ALAD: variants seen among roughly 807,000 people sequenced by gnomAD.
ALAD encodes the protein aminolevulinate dehydratase.
Under a neutral mutation model 44.4 loss-of-function variants are expected in ALAD, and 20 were observed. That is an observed-to-expected ratio of 0.45 (90% CI 0.32 to 0.65). The LOEUF is 0.65. Ranked by LOEUF, ALAD falls within the 30% of genes least tolerant of loss-of-function variation. The pLI is 0.05. For missense variants in ALAD, 323 were observed against 445.7 expected, an observed-to-expected ratio of 0.72 and a Z score of 2.48; for synonymous variants, 156 against 167.9, an observed-to-expected ratio of 0.93 and a Z score of 0.55.
chr9:113,392,887 G>A (rs565064690), intron 2 of ALAD, among the ~76,000 whole-genome samples: 2 of 138,330 alleles, frequency 1.4e-5, no homozygotes, highest in Non-Finnish European at 3.0e-5. Flanking sequence ...GTGCAATCTC[G>A]GCTCACTGCA....
At chr9:113,397,995 TA>T (rs928385921) in intron 1 of ALAD, 1 of 152,198 alleles carries the variant, frequency 6.6e-6, no homozygotes, top group African/African-American at 2.4e-5. Context: ...CATAGCTACT[TA>T]GTGACTGAGC....
chr9:113,398,500 G>A (rs1456644561), intron 1 of ALAD, among the ~76,000 whole-genome samples: 1 of 152,212 alleles, frequency 6.6e-6, no homozygotes, highest in Non-Finnish European at 1.5e-5. Flanking sequence ...TGAGACCGGG[G>A]CAGGGTTAGA....
intron 2 of ALAD, 54 bp downstream of exon 2, chr9:113,393,393 C>CA: frequency 1.7e-5 from 26 of 1,502,804 alleles, no homozygotes; most frequent in East Asian, 2.3e-5. Context: ...ACTCCCTCCC[C>CA]AACCCCAACC....
intron 1 of ALAD, among the ~76,000 whole-genome samples, chr9:113,395,633 C>A (rs907821401): frequency 6.6e-6 from 1 of 152,226 alleles, no homozygotes; most frequent in African/African-American, 2.4e-5. Flanking sequence ...CCATGCCTGG[C>A]ATTTTCACAG....
At chr9:113,392,287 G>A (rs1003568833) in intron 2 of ALAD, 118 bp from the exon 3 acceptor site, 2 of 1,589,448 alleles carry the variant, frequency 1.3e-6, no homozygotes, top group African/African-American at 2.7e-5. Context: ...GATGGTGGGA[G>A]GAGGATGGGA....
In ALAD at chr9:113,388,327, C is replaced by A. The variant is rs1218961451; in HGVS notation, c.966G>T (p.Gln322His). 9.9e-6 allele frequency: 16 copies of A among 1,614,162 alleles called. No individual in the cohort carries two copies. Among genetic ancestry groups the A allele is most frequent in the Non-Finnish European group, 1.3e-5 (15 of 1,180,046 alleles). Residue 322 changes from glutamine (Q) to histidine (H), a missense_variant, in exon 12 of 12, where the codon CAG becomes CAT. Transcript: ENST00000409155. Reference protein sequence around the residue: ...ADIIITYYTPQLLQWLKEE With the variant: ...ADIIITYYTPHLLQWLKEE ...ATTCCTCCTTCAGCCACTGCAGCAGCTGCGGTGTGTAGTAGGTGATGATGA... is the reference window on the plus strand; with the variant it reads ...ATTCCTCCTTCAGCCACTGCAGCAGATGCGGTGTGTAGTAGGTGATGATGA...
Position 113,390,422 on chromosome 9 carries a change from G to A in ALAD, c.553C>T (p.His185Tyr). Residue 185 changes from histidine to tyrosine, a missense_variant, in exon 7 of 12, where the codon CAT becomes TAT. Coordinates refer to ENST00000409155, the MANE Select transcript of ALAD (RefSeq NM_000031.6). The stretch of plus-strand genomic sequence containing the variant: ...GCCCTTACCCTGTTGCCAAGTCCAT[G>A]TGCCATCAGGGCCTCTTTGATGGCT... The part of the protein sequence containing the change: ...VEAIKEALMA[H>Y]GLGNRVSVMS... The A allele has an allele frequency of 6.2e-7, 1 of 1,614,084 alleles. No individual in the cohort carries two copies. The highest frequency in any genetic ancestry group is 1.1e-5 in the South Asian group (1 of 91,080).
Position 113,388,437 on chromosome 9 carries a change from C to T in ALAD, c.932-76G>A. ...GAGCACACCTTCTGCGATGGGAAGG[C>T]CAGGCGGGGAAGAAGGCTACCATGA... On this transcript the variant is annotated intron_variant, in intron 11 of 11. Coordinates refer to ENST00000409155, the MANE Select transcript of ALAD (RefSeq NM_000031.6). 2.1e-6 allele frequency: 3 copies of T among 1,398,678 alleles called. 1 individual carries two copies. The highest frequency in any genetic ancestry group is 2.3e-5 in the South Asian group (2 of 86,670). 86.6% of individuals were successfully genotyped at this position (1,398,678 alleles called of 1,614,324 possible).
Position 113,389,689 on chromosome 9 carries a change from G to A in ALAD, c.627-3C>T. ...CTGGGCTTGACTTAGCTGCATCCCT[G>A]CAAAGCAGAGTCATCAGGGTGGGCT... On this transcript the variant is annotated splice_region_variant and splice_polypyrimidine_tract_variant and intron_variant, in intron 8 of 11. Transcript: ENST00000409155. 6.2e-7 allele frequency: 1 copy of A among 1,614,176 alleles called. No homozygotes were observed. The highest frequency in any genetic ancestry group is 8.5e-7 in the Non-Finnish European group (1 of 1,180,030).
At chr9:113,394,171 C>T (rs1167149034) in intron 1 of ALAD, among the ~76,000 whole-genome samples, 2 of 151,212 alleles carry the variant, frequency 1.3e-5, no homozygotes, top group African/African-American at 4.8e-5. Context: ...AACTCCTGGG[C>T]TCAAGCAATC....
Position 113,393,440 on chromosome 9 carries a change from G to T in ALAD, c.113+7C>A. ...AGCAGAGGCCTGGCCCATTCTTGGA[G>T]ACTCACGTGACAAAGATGGGGTAGA... is the stretch of plus-strand genomic sequence containing the variant. On this transcript the variant is annotated splice_region_variant and intron_variant, in intron 2 of 11. Transcript: ENST00000409155. 6.3e-7 allele frequency: 1 copy of T among 1,589,548 alleles called. No individual in the cohort carries two copies. The highest frequency in any genetic ancestry group is 1.1e-5 in the South Asian group (1 of 90,884).
chr9:113,400,621 G>C (rs1405945673), intron 1 of ALAD, among the ~76,000 whole-genome samples: 1 of 152,066 alleles, frequency 6.6e-6, no homozygotes, highest in African/African-American at 2.4e-5. Context: ...TCGGGAGTTC[G>C]AGACTAGCCT....
At position 113,388,390 on chromosome 9, in the gene ALAD, T is replaced by TG. The variant is rs759952918; in HGVS notation, c.932-30dup. 23 of 1,609,792 alleles carry TG rather than the reference T, an allele frequency of 1.4e-5. No individual in the cohort carries two copies. The African/African-American group carries it at 2.0e-4, about 14-fold the overall frequency. On this transcript the variant is annotated intron_variant, in intron 11 of 11. Coordinates refer to ENST00000409155, the MANE Select transcript of ALAD (RefSeq NM_000031.6). Reference sequence around the variant, plus strand: ...TGTTGGGAGAGATGCAGAAAGTTGCTGGGGGGACGCTGATCAGCTCTGAGC... The same window carrying TG: ...TGTTGGGAGAGATGCAGAAAGTTGCTGGGGGGGACGCTGATCAGCTCTGAGC...
intron 1 of ALAD, among the ~76,000 whole-genome samples, chr9:113,398,893 G>A (rs997119083): frequency 6.6e-6 from 1 of 152,156 alleles, no homozygotes; most frequent in Admixed American, 6.5e-5. Context: ...TGCAGGGTGG[G>A]TTTTGCTTTG....
chr9:113,393,370 C>A, intron 2 of ALAD, 77 bp downstream of exon 2: 1 of 1,364,914 alleles, frequency 7.3e-7, no homozygotes, highest in Non-Finnish European at 1.0e-6. Flanking sequence ...TACTGATGCC[C>A]GCTCCAGTCA....
chr9:113,392,005 ATGTC>A (rs1255413739), intron 3 of ALAD, 110 bp downstream of exon 3: 5 of 1,077,138 alleles, frequency 4.6e-6, no homozygotes, highest in Non-Finnish European at 7.0e-6. Flanking sequence ...TACTGAGCTA[ATGTC>A]TGTCTGTCCG....
At position 113,386,574 on chromosome 9, in the gene ALAD, G is replaced by A. The variant is rs751055328; in HGVS notation, c.*1726C>T. 4 of 152,110 alleles carry A rather than the reference G, an allele frequency of 2.6e-5. No homozygotes were observed. Among genetic ancestry groups the A allele is most frequent in the African/African-American group, 7.2e-5 (3 of 41,408 alleles). 9.4% of individuals were successfully genotyped at this position (152,110 alleles called of 1,614,324 possible). On this transcript the variant is annotated 3_prime_UTR_variant, in exon 12 of 12. Coordinates refer to ENST00000409155, the MANE Select transcript of ALAD (RefSeq NM_000031.6). ...AAACCCATCACATAAATGGAGGGGT[G>A]TCTATAAAACATTGTTAGACCTATA...
chr9:113,389,371 A>G (rs1234977815), intron 10 of ALAD, 67 bp downstream of exon 10: 1 of 1,578,630 alleles, frequency 6.3e-7, no homozygotes. Context: ...CAACTCTGAG[A>G]TTCCAGAGTC....
At chr9:113,391,485 T>C in intron 4 of ALAD, 42 bp downstream of exon 4, 1 of 1,581,960 alleles carries the variant, frequency 6.3e-7, no homozygotes, top group East Asian at 2.2e-5. Flanking sequence ...ATTACGGGCG[T>C]GAGCGCAACC....
Sources: allele counts gnomAD v4.1 joint callset (sites outside exome capture counted in the v4.1 genomes callset), GRCh38; gene constraint gnomAD v4.1.1; transcripts MANE v1.5; gene names NCBI Gene and HGNC (gene_info 2026-07-23, HGNC 2026-07-21).